DPP10: variants seen among roughly 807,000 people sequenced by gnomAD.
DPP10 encodes inactive dipeptidyl peptidase 10.
Under a neutral mutation model 120.9 loss-of-function variants are expected in DPP10, and 33 were observed. That is an observed-to-expected ratio of 0.27 (90% CI 0.21 to 0.37). The LOEUF (loss-of-function observed/expected upper bound fraction) is 0.37. Among genes scored for constraint, DPP10 ranks in the 10% least tolerant of loss-of-function variants. DPP10 has a pLI of 1.00. For missense variants in DPP10, 816 were observed against 942.8 expected, an observed-to-expected ratio of 0.87 and a Z score of 1.76; for synonymous variants, 337 against 326.1, an observed-to-expected ratio of 1.03 and a Z score of -0.36.
intron 1 of DPP10, among the ~76,000 whole-genome samples, chr2:115,036,013 T>C (rs537178313): frequency 1.2e-4 from 18 of 152,336 alleles, no homozygotes; most frequent in South Asian, 1.0e-3. Context: ...ATTCTCACAG[T>C]GCTATAAAGA....
chr2:114,545,949 T>C (rs914775175), intron 1 of DPP10, among the ~76,000 whole-genome samples: 1 of 152,138 alleles, frequency 6.6e-6, no homozygotes, highest in African/African-American at 2.4e-5. Flanking sequence ...GAATTGTGTA[T>C]GAAATTCTAC....
At chr2:114,758,290 C>T (rs1679972106) in intron 1 of DPP10, among the ~76,000 whole-genome samples, 1 of 152,212 alleles carries the variant, frequency 6.6e-6, no homozygotes, top group South Asian at 2.1e-4. Context: ...CAAGAGTGGT[C>T]CCAAAGCCAT....
At chr2:114,726,466 A>G (rs1702058867) in intron 1 of DPP10, among the ~76,000 whole-genome samples, 1 of 152,198 alleles carries the variant, frequency 6.6e-6, no homozygotes, top group African/African-American at 2.4e-5. Context: ...GAAGAAATCC[A>G]GGTTTCCAAA....
At chr2:115,456,563 A>G (rs1386468677) in intron 3 of DPP10, among the ~76,000 whole-genome samples, 1 of 152,196 alleles carries the variant, frequency 6.6e-6, no homozygotes, top group Non-Finnish European at 1.5e-5. Context: ...ACCAGCCCAA[A>G]TGCCCATCAA....
chr2:115,282,661 C>A (rs1426752594), intron 1 of DPP10, among the ~76,000 whole-genome samples: 1 of 152,094 alleles, frequency 6.6e-6, no homozygotes, highest in Non-Finnish European at 1.5e-5. Flanking sequence ...GTTTCTCACA[C>A]CATCAAACTT....
chr2:114,750,671 T>C (rs553424176), intron 1 of DPP10, among the ~76,000 whole-genome samples: 28 of 152,198 alleles, frequency 1.8e-4, no homozygotes, highest in Non-Finnish European at 1.6e-4. Flanking sequence ...GAGCCCAGTG[T>C]TCCTCCAGGT....
At chr2:115,164,621 C>A (rs1244508692) in intron 1 of DPP10, among the ~76,000 whole-genome samples, 3 of 152,172 alleles carry the variant, frequency 2.0e-5, no homozygotes, top group Non-Finnish European at 4.4e-5. Context: ...TTTTATGAAA[C>A]CTCAAAGATG....
intron 1 of DPP10, among the ~76,000 whole-genome samples, chr2:114,458,026 G>A (rs1224986856): frequency 6.6e-6 from 1 of 152,180 alleles, no homozygotes; most frequent in Non-Finnish European, 1.5e-5. Flanking sequence ...AAGGCAGGCT[G>A]AGGCTGCAGG....
chr2:114,960,538 G>A lies in DPP10; in HGVS notation c.61-348701G>A, dbSNP rs540468150. Among the ~76,000 whole-genome samples the A allele has an allele frequency of 5.1e-4, 77 of 151,924 alleles. 1 individual carries two copies. The highest frequency in any genetic ancestry group is 3.4e-3 in the Middle Eastern group (1 of 290). On this transcript the variant is annotated intron_variant, in intron 1 of 25. Coordinates refer to ENST00000410059, the MANE Select transcript of DPP10 (RefSeq NM_020868.6). The stretch of plus-strand genomic sequence containing the variant: ...ATAATTTTATCATGCGTTCATTTCC[G>A]GTGCCTGGAACATGAAAAAACTAAA...
At chr2:115,252,054 TA>T (rs2058776779) in intron 1 of DPP10, among the ~76,000 whole-genome samples, 1 of 152,238 alleles carries the variant, frequency 6.6e-6, no homozygotes, top group African/African-American at 2.4e-5. Flanking sequence ...ATGGTGCCCT[TA>T]AGCAGATTCC....
At chr2:114,994,486 C>T (rs2104950231) in intron 1 of DPP10, among the ~76,000 whole-genome samples, 1 of 152,256 alleles carries the variant, frequency 6.6e-6, no homozygotes, top group South Asian at 2.1e-4. Flanking sequence ...TTTATGCAAG[C>T]ATCCCCCTCT....
chr2:114,834,413 C>G (rs1687450624), intron 1 of DPP10, among the ~76,000 whole-genome samples: 1 of 151,396 alleles, frequency 6.6e-6, no homozygotes, highest in South Asian at 2.1e-4. Flanking sequence ...GCCATATCTA[C>G]ACACCTATGT....
chr2:115,625,694 G>A (rs1044719915), intron 5 of DPP10, among the ~76,000 whole-genome samples: 1 of 151,990 alleles, frequency 6.6e-6, no homozygotes, highest in African/African-American at 2.4e-5. Context: ...TAACATGAAG[G>A]AATCTCTCCT....
chr2:114,900,014 T>G (rs1234149262), intron 1 of DPP10, among the ~76,000 whole-genome samples: 1 of 152,228 alleles, frequency 6.6e-6, no homozygotes, highest in East Asian at 1.9e-4. Context: ...TAGCTGTAGT[T>G]TGTGCATTTT....
chr2:114,455,728 T>TA lies in DPP10; in HGVS notation c.60+12890_60+12891insA, dbSNP rs1558773492. Among the ~76,000 whole-genome samples, 622 of 63,940 alleles carry TA rather than the reference T, an allele frequency of 9.7e-3. 6 individuals are homozygous for TA. Among genetic ancestry groups the TA allele is most frequent in the African/African-American group, 0.03 (588 of 19,862 alleles). The allele number at this position is 63,940 out of a possible 152,430, so 41.9% of individuals were successfully genotyped here. A position where few individuals can be genotyped will look rare whatever the true frequency, so the allele number is the denominator to read the frequency against. The stretch of plus-strand genomic sequence containing the variant: ...AAAGTCTCATACCCACAAATTCATT[T>TA]GTTTTTTTTTTTTTTTACCATTTTC... On this transcript the variant is annotated intron_variant, in intron 1 of 25. Transcript: ENST00000410059.
chr2:115,377,928 C>G (rs1008941070), intron 3 of DPP10, among the ~76,000 whole-genome samples: 34 of 152,062 alleles, frequency 2.2e-4, no homozygotes, highest in Middle Eastern at 3.4e-3. Context: ...GTTTTGGTAC[C>G]AGTACCATGC....
intron 19 of DPP10, among the ~76,000 whole-genome samples, chr2:115,796,558 C>A (rs1575802158): frequency 1.3e-5 from 2 of 152,184 alleles, no homozygotes; most frequent in South Asian, 2.1e-4. Context: ...CTGTATGGGT[C>A]CATTTCTCTG....
At chr2:115,014,587 C>A (rs1212320388) in intron 1 of DPP10, among the ~76,000 whole-genome samples, 5 of 151,396 alleles carry the variant, frequency 3.3e-5, no homozygotes, top group Non-Finnish European at 7.4e-5. Flanking sequence ...ACAAAATAGA[C>A]CAGTAGCCAG....
chr2:115,008,073 A>C (rs1269350016), intron 1 of DPP10, among the ~76,000 whole-genome samples: 1 of 147,040 alleles, frequency 6.8e-6, no homozygotes, highest in Non-Finnish European at 1.5e-5. Flanking sequence ...ATTGGAAAAA[A>C]CTACTTTAAA....
Sources: allele counts gnomAD v4.1 joint callset (sites outside exome capture counted in the v4.1 genomes callset), GRCh38; gene constraint gnomAD v4.1.1; transcripts MANE v1.5; gene names NCBI Gene and HGNC (gene_info 2026-07-23, HGNC 2026-07-21).